METTL25: variants seen among roughly 807,000 people sequenced by gnomAD.
METTL25 encodes the protein methyltransferase like 25, also known as probable methyltransferase-like protein 25.
A neutral mutation model predicts 71.6 loss-of-function variants in METTL25; 64 were observed. That is an observed-to-expected ratio of 0.89 (90% CI 0.73 to 1.10). The LOEUF (loss-of-function observed/expected upper bound fraction) is 1.10, where lower values mean the gene tolerates loss of function less well. Ranked by LOEUF, METTL25 falls within the 50% of genes least tolerant of loss-of-function variation. The pLI is 0.00. For missense variants in METTL25, 807 were observed against 707.0 expected, an observed-to-expected ratio of 1.14 and a Z score of -1.60; for synonymous variants, 287 against 250.3, an observed-to-expected ratio of 1.15 and a Z score of -1.38.
At chr12:82,453,107 G>A (rs1039146412) in intron 8 of METTL25, among the ~76,000 whole-genome samples, 10 of 152,152 alleles carry the variant, frequency 6.6e-5, no homozygotes, top group Admixed American at 1.3e-4. Flanking sequence ...TTGCTGATGA[G>A]TTTGGGCAAT....
chr12:82,372,963 C>A (rs1431657385), intron 1 of METTL25, among the ~76,000 whole-genome samples: 3 of 152,194 alleles, frequency 2.0e-5, no homozygotes, highest in Admixed American at 6.5e-5. Flanking sequence ...CACTAGTTTT[C>A]CTTCTAGACC....
rs995807016 is a variant in METTL25 at position 82,362,729 on chromosome 12, G to A, written c.259+3905G>A. Among the ~76,000 whole-genome samples, 16 of 152,188 alleles carry A rather than the reference G, an allele frequency of 1.1e-4. No individual in the cohort carries two copies. The South Asian group carries it at 3.3e-3, about 32-fold the overall frequency. ...CCTGGTTTCTGTGTGGAGAAGAGAA[G>A]GTAAGAAAGGTGAAGGAAATTAAGG... On this transcript the variant is annotated intron_variant, in intron 1 of 11. Transcript: ENST00000248306.
chr12:82,422,156 C>T (rs897043973), intron 5 of METTL25, among the ~76,000 whole-genome samples: 1 of 152,144 alleles, frequency 6.6e-6, no homozygotes, highest in Admixed American at 6.5e-5. Flanking sequence ...CAATAAAATA[C>T]TGGCAACCCG....
intron 1 of METTL25, among the ~76,000 whole-genome samples, chr12:82,368,026 A>T (rs1882762077): frequency 6.6e-6 from 1 of 152,140 alleles, no homozygotes; most frequent in South Asian, 2.1e-4. Flanking sequence ...ATATATATTA[A>T]AACGTAGTGT....
intron 9 of METTL25, among the ~76,000 whole-genome samples, chr12:82,460,829 G>T (rs1201948919): frequency 6.6e-6 from 1 of 152,144 alleles, no homozygotes; most frequent in Non-Finnish European, 1.5e-5. Flanking sequence ...ATCAATACTG[G>T]TTCACTAATT....
At chr12:82,452,200 C>T (rs12371784) in intron 8 of METTL25, among the ~76,000 whole-genome samples, 9,309 of 152,200 alleles carry the variant, frequency 0.061, 340 homozygotes, top group Middle Eastern at 0.092. Context: ...TTTTATAGCG[C>T]GTTCTCTTAT....
intron 5 of METTL25, among the ~76,000 whole-genome samples, chr12:82,412,778 A>G (rs544528048): frequency 6.6e-6 from 1 of 152,086 alleles, no homozygotes; most frequent in East Asian, 1.9e-4. Flanking sequence ...GTTTGTTCCT[A>G]TTTCAGACAT....
At chr12:82,443,470 A>G (rs902412426) in intron 8 of METTL25, among the ~76,000 whole-genome samples, 18 of 151,240 alleles carry the variant, frequency 1.2e-4, no homozygotes, top group Non-Finnish European at 5.9e-5. Context: ...ACCAAAAAAA[A>G]AAAAAAAAAG....
chr12:82,401,084 A>G (rs758315924), intron 4 of METTL25, among the ~76,000 whole-genome samples: 3 of 152,096 alleles, frequency 2.0e-5, no homozygotes, highest in African/African-American at 2.4e-5. Flanking sequence ...GAGTAGCTGT[A>G]TAAACCTCTA....
intron 9 of METTL25, among the ~76,000 whole-genome samples, chr12:82,467,365 G>A (rs1892299460): frequency 6.6e-6 from 1 of 151,938 alleles, no homozygotes; most frequent in Non-Finnish European, 1.5e-5. Context: ...ACCCTTACCA[G>A]TGAGTTTTAT....
Position 82,403,938 on chromosome 12 carries a change from A to G in METTL25, c.1279+808A>G, listed in dbSNP as rs572947817. ...TAGATCGGGAATTTTTAGGTTACCA[A>G]CTTTTGTGTGCATTAAGATGGTATT... On this transcript the variant is annotated intron_variant, in intron 5 of 11. Transcript: ENST00000248306. 3.3e-5 allele frequency among the ~76,000 whole-genome samples: 5 copies of G among 152,228 alleles called. No individual in the cohort carries two copies. In the East Asian group the frequency reaches 9.6e-4, roughly 29 times the overall value.
At chr12:82,409,060 T>G (rs773939021) in intron 5 of METTL25, among the ~76,000 whole-genome samples, 1 of 152,130 alleles carries the variant, frequency 6.6e-6, no homozygotes, top group Non-Finnish European at 1.5e-5. Context: ...GGTATGTACA[T>G]TGCTACTTTT....
At chr12:82,431,055 A>C (rs1417702821) in intron 6 of METTL25, 68 bp downstream of exon 6, 6 of 1,075,430 alleles carry the variant, frequency 5.6e-6, no homozygotes, top group Non-Finnish European at 8.2e-6. Flanking sequence ...ATTTTTGGCT[A>C]GTATCATGCA....
intron 8 of METTL25, among the ~76,000 whole-genome samples, chr12:82,454,849 A>G (rs372369677): frequency 2.6e-5 from 4 of 152,054 alleles, no homozygotes; most frequent in South Asian, 4.1e-4. Flanking sequence ...AGACTATAAT[A>G]CCAGTAATTA....
intron 1 of METTL25, among the ~76,000 whole-genome samples, chr12:82,378,331 C>A (rs1265999286): frequency 6.6e-6 from 1 of 152,098 alleles, no homozygotes; most frequent in African/African-American, 2.4e-5. Context: ...TAAAATTGAC[C>A]TAACTTTTAT....
At chr12:82,458,023 A>G (rs761591782) in intron 9 of METTL25, among the ~76,000 whole-genome samples, 9 of 152,124 alleles carry the variant, frequency 5.9e-5, no homozygotes, top group Non-Finnish European at 1.3e-4. Flanking sequence ...CATTATTGTC[A>G]CAAATTAAGA....
intron 5 of METTL25, among the ~76,000 whole-genome samples, chr12:82,411,353 T>C (rs970883849): frequency 6.6e-6 from 1 of 152,008 alleles, no homozygotes; most frequent in African/African-American, 2.4e-5. Context: ...AGGATTATTA[T>C]CAGGTTTCTG....
At chr12:82,432,698 TCTC>T (rs537183181) in intron 6 of METTL25, among the ~76,000 whole-genome samples, 5 of 151,580 alleles carry the variant, frequency 3.3e-5, no homozygotes, top group Non-Finnish European at 7.4e-5. Context: ...GGAATGCCCT[TCTC>T]CTTAGCTCCA....
chr12:82,416,028 G>A (rs1217661716), intron 5 of METTL25, among the ~76,000 whole-genome samples: 1 of 152,078 alleles, frequency 6.6e-6, no homozygotes, highest in Non-Finnish European at 1.5e-5. Flanking sequence ...TTCATACATA[G>A]AGTCTATATC....
Sources: gnomAD v4.1 joint callset for allele counts (sites outside exome capture counted in the v4.1 genomes callset) on GRCh38, gnomAD v4.1.1 for gene constraint, MANE v1.5 for transcripts, NCBI Gene and HGNC (gene_info 2026-07-23, HGNC 2026-07-21) for gene names.